TGFB3: variants seen among roughly 807,000 people sequenced by gnomAD.
TGFB3 encodes the protein transforming growth factor beta 3, also known as transforming growth factor beta-3 proprotein.
Under a neutral mutation model 40.1 loss-of-function variants are expected in TGFB3, and 5 were observed. The observed-to-expected ratio is 0.12, with a 90% CI of 0.07 to 0.26. TGFB3 has a LOEUF of 0.26. Ranked by LOEUF, TGFB3 falls within the 10% of genes least tolerant of loss-of-function variation. The pLI is 1.00. For synonymous variants in TGFB3, 184 were observed against 205.6 expected (o/e 0.89, Z 0.90); for missense variants, 373 against 530.1 (o/e 0.70, Z 2.91).
chr14:75,971,421 G>A lies in TGFB3; in HGVS notation c.516+134C>T. On this transcript the variant is annotated intron_variant, in intron 2 of 6. Transcript: ENST00000238682. The surrounding 1 kb of genome is among the most constrained non-coding windows in gnomAD (Gnocchi z 4.5). ...CTTAAGTGTTTTAATGACAGACACA[G>A]ATACGGAAACGAAGGCTCAGAGAAG... is the stretch of plus-strand genomic sequence containing the variant. 11 of 1,519,780 alleles carry A rather than the reference G, an allele frequency of 7.2e-6. No individual in the cohort carries two copies. The highest frequency in any genetic ancestry group is 9.9e-6 in the Non-Finnish European group (11 of 1,114,928). 94.1% of individuals were successfully genotyped at this position (1,519,780 alleles called of 1,614,324 possible).
At position 75,980,418 on chromosome 14, in the gene TGFB3, G is replaced by C. The variant is rs977244423; in HGVS notation, c.352+124C>G. ...AACGGAGGAGCATCGCACATCCTGA[G>C]CCTTGGTGCTGGTGAATCCTGGGGC... On this transcript the variant is annotated intron_variant, in intron 1 of 6. Coordinates refer to ENST00000238682, the MANE Select transcript of TGFB3 (RefSeq NM_003239.5). The surrounding 1 kb of genome is among the most constrained non-coding windows in gnomAD (Gnocchi z 4.3). 54 of 1,006,206 alleles carry C rather than the reference G, an allele frequency of 5.4e-5. No individual in the cohort carries two copies. The highest frequency in any genetic ancestry group is 8.0e-5 in the Non-Finnish European group (51 of 639,904). The allele number at this position is 1,006,206 out of a possible 1,614,324, so 62.3% of individuals were successfully genotyped here. A position where few individuals can be genotyped will look rare whatever the true frequency, so the allele number is the denominator to read the frequency against.
upstream of TGFB3, chr14:75,982,860 T>A (rs1308656988): frequency 6.6e-6 from 1 of 152,284 alleles, no homozygotes; most frequent in Non-Finnish European, 1.5e-5. The surrounding 1 kb of genome is among the most constrained non-coding windows in gnomAD (Gnocchi z 4.0). Context: ...TCAGCCTCCC[T>A]CCCCGCCGAG....
intron 1 of TGFB3, among the ~76,000 whole-genome samples, chr14:75,973,557 G>C (rs984989681): frequency 3.9e-5 from 6 of 152,230 alleles, no homozygotes. Context: ...TCTGAATGTG[G>C]ATAAGCTACT....
At chr14:75,974,271 C>G (rs2035326943) in intron 1 of TGFB3, among the ~76,000 whole-genome samples, 1 of 152,084 alleles carries the variant, frequency 6.6e-6, no homozygotes, top group African/African-American at 2.4e-5. Context: ...AGTGGCCGTC[C>G]TCTTTGGTTT....
At chr14:75,960,676 C>T (rs4252342) in intron 6 of TGFB3, among the ~76,000 whole-genome samples, 171 of 152,256 alleles carry the variant, frequency 1.1e-3, no homozygotes, top group African/African-American at 4.0e-3. Flanking sequence ...TTAATTTCTA[C>T]GGTACAGAGA....
rs889286317 is a variant in TGFB3, at chr14:75,981,290, C to T, written c.-397G>A. The T allele has an allele frequency of 6.1e-5, 15 of 246,762 alleles. No homozygotes were observed. Among genetic ancestry groups the T allele is most frequent in the Middle Eastern group, 3.0e-3 (2 of 676 alleles). 15.3% of individuals were successfully genotyped at this position (246,762 alleles called of 1,614,324 possible). On this transcript the variant is annotated 5_prime_UTR_variant, in exon 1 of 7. Coordinates refer to ENST00000238682, the MANE Select transcript of TGFB3 (RefSeq NM_003239.5). This position sits in a 1 kb window ranked among gnomAD's most constrained non-coding sequence, Gnocchi z 4.7. ...AGAGTGGATATCTGATATTGCCAAA[C>T]GCCGCTTGGCGATGGGGAGAAAGTG...
intron 5 of TGFB3, among the ~76,000 whole-genome samples, chr14:75,962,107 C>A (rs1172462529): frequency 6.6e-6 from 1 of 152,128 alleles, no homozygotes; most frequent in Admixed American, 6.5e-5. Context: ...GAAAAGCCAA[C>A]ATACTAAGCA....
Position 75,971,026 on chromosome 14 carries a change from G to A in TGFB3, c.646+100C>T. The A allele has an allele frequency of 1.3e-6, 2 of 1,560,036 alleles. No individual in the cohort carries two copies. Among genetic ancestry groups the A allele is most frequent in the Middle Eastern group, 3.4e-4 (2 of 5,904 alleles). On this transcript the variant is annotated intron_variant, in intron 3 of 6. Coordinates refer to ENST00000238682, the MANE Select transcript of TGFB3 (RefSeq NM_003239.5). This position sits in a 1 kb window ranked among gnomAD's most constrained non-coding sequence, Gnocchi z 4.5. ...GTGGCAAAGCTAGGGTTTGAACCCA[G>A]ATCTCTGACTCCCTTAATTCTGTCC...
chr14:75,965,575 T>C lies in TGFB3; in HGVS notation c.754+13A>G. ...CCACTCACCCATCCTACCATACACATTCATTTTGTTACCTTTGAATTTGAT... is the reference window on the plus strand; with the variant it reads ...CCACTCACCCATCCTACCATACACACTCATTTTGTTACCTTTGAATTTGAT... On this transcript the variant is annotated intron_variant, in intron 4 of 6. Transcript: ENST00000238682. 6.2e-7 allele frequency: 1 copy of C among 1,602,102 alleles called. No homozygotes were observed. The highest frequency in any genetic ancestry group is 8.6e-7 in the Non-Finnish European group (1 of 1,169,056).
chr14:75,964,186 A>C (rs2035194353), intron 4 of TGFB3, among the ~76,000 whole-genome samples: 1 of 152,096 alleles, frequency 6.6e-6, no homozygotes, highest in Non-Finnish European at 1.5e-5. Context: ...CTGGATTGTC[A>C]CTTTAGATTC....
Position 75,960,981 on chromosome 14 carries a change from G to A in TGFB3, c.1022C>T (p.Ala341Val). ...KWVHEPKGYY[A>V]NFCSGPCPYL... ...TGGGCAAGGGCCTGAGCAGAAGTTG[G>A]CATAGTAGCCCTTAGGTTCATGGAC... Residue 341 changes from alanine to valine, a missense_variant, in exon 6 of 7, where the codon GCC becomes GTC. Transcript: ENST00000238682. 3 of 1,614,232 alleles carry A rather than the reference G, an allele frequency of 1.9e-6. No individual in the cohort carries two copies. The highest frequency in any genetic ancestry group is 2.5e-6 in the Non-Finnish European group (3 of 1,180,050).
In TGFB3 at chr14:75,963,489, TGAA is replaced by T; in HGVS notation, c.755-5_755-3del. On this transcript the variant is annotated splice_polypyrimidine_tract_variant and splice_region_variant and intron_variant, in intron 4 of 6. Transcript: ENST00000238682. ...CATGGTCATCCTCATTGTCCACGCC[TGAA>T]GAAGGGAAGGAAAGTGACAATCTCC... 6.2e-7 allele frequency: 1 copy of T among 1,614,070 alleles called. No individual in the cohort carries two copies. The highest frequency in any genetic ancestry group is 8.5e-7 in the Non-Finnish European group (1 of 1,180,008).
chr14:75,980,400 G>A lies in TGFB3; in HGVS notation c.352+142C>T. 1 of 882,600 alleles carries A rather than the reference G, an allele frequency of 1.1e-6. No individual in the cohort carries two copies. Among genetic ancestry groups the A allele is most frequent in the Admixed American group, 1.9e-5 (1 of 51,894 alleles). 54.7% of individuals were successfully genotyped at this position (882,600 alleles called of 1,614,324 possible). ...ACCCACCTCCCCAGCCCCAACGGAG[G>A]AGCATCGCACATCCTGAGCCTTGGT... On this transcript the variant is annotated intron_variant, in intron 1 of 6. Coordinates refer to ENST00000238682, the MANE Select transcript of TGFB3 (RefSeq NM_003239.5). This position sits in a 1 kb window ranked among gnomAD's most constrained non-coding sequence, Gnocchi z 4.3.
chr14:75,969,175 C>G (rs1361233694), intron 3 of TGFB3, among the ~76,000 whole-genome samples: 1 of 152,242 alleles, frequency 6.6e-6, no homozygotes. Context: ...TTTGTAAGCT[C>G]TGCCTTTGAG....
chr14:75,968,370 A>G (rs2035246369), intron 3 of TGFB3, among the ~76,000 whole-genome samples: 2 of 143,472 alleles, frequency 1.4e-5, no homozygotes, highest in African/African-American at 2.5e-5. Flanking sequence ...GAAGGTTCCA[A>G]TGAAGAACTA....
chr14:75,960,766 G>A, intron 6 of TGFB3, 157 bp downstream of exon 6: 1 of 913,872 alleles, frequency 1.1e-6, no homozygotes, highest in East Asian at 2.6e-5. Flanking sequence ...GAGTAGAACT[G>A]AGTCAGGGTG....
rs907931093 is a variant in TGFB3 at position 75,979,704 on chromosome 14, C to CT, written c.352+837_352+838insA. ...GCAGGCTCCCAGACATATCCCCCCCCCCCACCATGCACCCACTGCCACCCC... is the reference window on the plus strand; with the variant it reads ...GCAGGCTCCCAGACATATCCCCCCCCTCCCACCATGCACCCACTGCCACCCC... On this transcript the variant is annotated intron_variant, in intron 1 of 6. Transcript: ENST00000238682. This position sits in a 1 kb window ranked among gnomAD's most constrained non-coding sequence, Gnocchi z 4.8. Among the ~76,000 whole-genome samples the CT allele has an allele frequency of 6.7e-6, 1 of 149,678 alleles. No individual in the cohort carries two copies. Among genetic ancestry groups the CT allele is most frequent in the African/African-American group, 2.5e-5 (1 of 40,128 alleles).
At chr14:75,966,480 G>A (rs148199200) in intron 3 of TGFB3, 1 of 152,922 alleles carries the variant, frequency 6.5e-6, no homozygotes, top group East Asian at 1.9e-4. Context: ...GGGAATCCTT[G>A]TTCACCATGA....
chr14:75,964,091 G>T (rs538513765), intron 4 of TGFB3, among the ~76,000 whole-genome samples: 64 of 152,246 alleles, frequency 4.2e-4, no homozygotes, highest in Non-Finnish European at 7.2e-4. Context: ...GGCCAGGCTG[G>T]TCTCGAACTC....
Sources: gnomAD v4.1 joint callset for allele counts (sites outside exome capture counted in the v4.1 genomes callset) on GRCh38, gnomAD v4.1.1 for gene constraint, Gnocchi (gnomAD v3.1) non-coding constraint, MANE v1.5 for transcripts, NCBI Gene and HGNC (gene_info 2026-07-23, HGNC 2026-07-21) for gene names.